The following ATP7A variants were observed in gnomAD, a reference collection of about 807,000 sequenced individuals.
ATP7A encodes ATPase copper transporting alpha.
A neutral mutation model predicts 83.5 loss-of-function variants in ATP7A; 7 were observed. The ratio of observed to expected loss-of-function variants is 0.08; its 90% CI spans 0.05 to 0.16. ATP7A has a LOEUF of 0.16. Ranked by LOEUF, ATP7A falls within the 10% of genes least tolerant of loss-of-function variation. The probability of loss-of-function intolerance (pLI) is 1.00; values close to 1 mark genes in which losing one functional copy is unlikely to be tolerated. For synonymous variants in ATP7A, 354 were observed against 395.2 expected (o/e 0.90, Z 1.24); for missense variants, 940 against 1,120.8 (o/e 0.84, Z 2.30).
At chrX:77,929,636 C>CTT (rs782018510) in intron 1 of ATP7A, among the ~76,000 whole-genome samples, 16 of 96,400 alleles carry the variant, frequency 1.7e-4, no homozygotes, top group African/African-American at 5.3e-4. Context: ...TTTTCTTTTT[C>CTT]TTTTTTTTTT....
chrX:77,948,100 T>TATTTATTTATTC (rs1452191503), intron 1 of ATP7A, among the ~76,000 whole-genome samples: 25 of 89,758 alleles, frequency 2.8e-4, no homozygotes, highest in African/African-American at 9.0e-4. Context: ...TTTATTTATT[T>TATTTATTTATTC]ATTCATTCAT....
intron 18 of ATP7A, 57 bp downstream of exon 18, chrX:78,039,039 T>C: frequency 8.6e-7 from 1 of 1,157,837 alleles, no homozygotes; most frequent in Non-Finnish European, 1.2e-6. Flanking sequence ...TTTATTAATT[T>C]ATTTATTTTT....
chrX:77,958,811 CAG>C (rs1295697593), intron 1 of ATP7A, among the ~76,000 whole-genome samples: 1 of 81,130 alleles, frequency 1.2e-5, no homozygotes, highest in Non-Finnish European at 2.3e-5. Context: ...TTTTTGGAGA[CAG>C]AGTCTCACTC....
At chrX:77,948,149 C>T (rs1191073575) in intron 1 of ATP7A, among the ~76,000 whole-genome samples, 1 of 107,416 alleles carries the variant, frequency 9.3e-6, no homozygotes, top group Non-Finnish European at 1.9e-5. Context: ...TCATTCAAGA[C>T]GGAGTCTTGC....
chrX:78,009,248 T>G lies in ATP7A; in HGVS notation c.1854T>G (p.Ile618Met). 1 of 1,209,896 alleles carries G rather than the reference T, an allele frequency of 8.3e-7. No homozygotes were observed. Residue 618 changes from isoleucine to methionine, a missense_variant, in exon 7 of 23, where the codon ATT (isoleucine) becomes ATG (methionine). Around this residue, in one of 3 missense-constraint regions of ATP7A, gnomAD observed 204 missense variants for 185.8 expected, o/e 1.10. Coordinates refer to ENST00000341514, the MANE Select transcript of ATP7A (RefSeq NM_000052.7). ...YDPEIIGPRDIIHTIESLGFE... is the reference protein window; with the variant it reads ...YDPEIIGPRDMIHTIESLGFE... ...CAGAAATTATTGGTCCTAGAGATAT[T>G]ATCCATACAATTGAAGTAAGTGCCA...
intron 1 of ATP7A, among the ~76,000 whole-genome samples, chrX:77,918,242 AT>A (rs1168435597): frequency 8.5e-5 from 9 of 105,517 alleles, no homozygotes; most frequent in Admixed American, 2.0e-4. Context: ...AATTTTTAAA[AT>A]TTTTTTTTTG....
intron 1 of ATP7A, among the ~76,000 whole-genome samples, chrX:77,920,411 G>A (rs2077207258): frequency 9.1e-6 from 1 of 109,555 alleles, no homozygotes; most frequent in African/African-American, 3.3e-5. Context: ...TAGAGACTGG[G>A]TTTCAACATG....
intron 14 of ATP7A, 87 bp downstream of exon 14, chrX:78,021,166 A>T: frequency 1.0e-6 from 1 of 975,709 alleles, no homozygotes; most frequent in East Asian, 3.1e-5. Flanking sequence ...AACTTTAATA[A>T]TTACCAGGAT....
chrX:78,009,652 T>C (rs1305185468), intron 7 of ATP7A, among the ~76,000 whole-genome samples: 1 of 112,170 alleles, frequency 8.9e-6, no homozygotes, highest in Non-Finnish European at 1.9e-5. Flanking sequence ...TAAGTTAAAG[T>C]AAGAAATTTA....
At chrX:77,997,936 A>C (rs1374478322) in intron 4 of ATP7A, among the ~76,000 whole-genome samples, 1 of 110,644 alleles carries the variant, frequency 9.0e-6, no homozygotes, top group African/African-American at 3.3e-5. Flanking sequence ...CTGTCATTCT[A>C]TTCCTGCCTT....
chrX:77,971,241 C>T (rs1393451152), intron 1 of ATP7A, among the ~76,000 whole-genome samples: 2 of 111,637 alleles, frequency 1.8e-5, no homozygotes, highest in South Asian at 3.7e-4. Context: ...ACCTTGTTGG[C>T]TGTTGTAAGG....
intron 1 of ATP7A, among the ~76,000 whole-genome samples, chrX:77,919,934 C>T (rs111613712): frequency 8.9e-6 from 1 of 111,975 alleles, no homozygotes; most frequent in Non-Finnish European, 1.9e-5. Flanking sequence ...TCTCATTCTG[C>T]CTTCTCTCAC....
At position 78,046,481 on chromosome X, in the gene ATP7A, C is replaced by T. The variant is rs782062633; in HGVS notation, c.4414C>T (p.Arg1472Cys). 2.0e-5 allele frequency: 24 copies of T among 1,208,990 alleles called. No individual in the cohort carries two copies. The highest frequency in any genetic ancestry group is 2.5e-5 in the Non-Finnish European group (22 of 894,727). ...ASINSLLSDK[R>C]SLNSVVTSEP... is the part of the protein sequence containing the mutation. ...TATAAACTCACTACTGTCTGATAAA[C>T]GCTCCCTAAACAGTGTTGTTACCAG... is the stretch of plus-strand genomic sequence containing the variant. The change falls in exon 23 of 23, where the codon CGC becomes TGC. Residue 1472 changes from arginine (R) to cysteine (C), a missense_variant. Around this residue, in one of 3 missense-constraint regions of ATP7A, gnomAD observed 386 missense variants for 502.2 expected, o/e 0.77. Coordinates refer to ENST00000341514, the MANE Select transcript of ATP7A (RefSeq NM_000052.7).
intron 2 of ATP7A, among the ~76,000 whole-genome samples, chrX:77,978,236 G>C (rs2077586778): frequency 9.0e-6 from 1 of 111,009 alleles, no homozygotes; most frequent in Admixed American, 9.7e-5. Context: ...GTTGAGTTGG[G>C]GATATGTTTA....
chrX:77,923,148 A>G (rs2077224215), intron 1 of ATP7A: 1 of 112,562 alleles, frequency 8.9e-6, no homozygotes, highest in Non-Finnish European at 1.9e-5. Flanking sequence ...TAATGAATAT[A>G]TCTGCTGTCT....
chrX:77,980,851 T>G (rs1358648648), intron 2 of ATP7A, among the ~76,000 whole-genome samples: 5 of 111,098 alleles, frequency 4.5e-5, no homozygotes, highest in Non-Finnish European at 9.4e-5. Context: ...GTACTTTTAG[T>G]AGAGACGAGT....
intron 4 of ATP7A, among the ~76,000 whole-genome samples, chrX:77,993,888 A>T (rs1351782545): frequency 2.7e-5 from 3 of 111,399 alleles, no homozygotes; most frequent in Non-Finnish European, 5.6e-5. Context: ...ATAATATTAA[A>T]TATTATAATT....
chrX:77,919,350 A>G (rs781901533), intron 1 of ATP7A, among the ~76,000 whole-genome samples: 4 of 111,839 alleles, frequency 3.6e-5, no homozygotes, highest in African/African-American at 1.3e-4. Flanking sequence ...ACATTCAGTC[A>G]CCAAATTTGT....
At chrX:78,021,661 T>C (rs1475809917) in intron 14 of ATP7A, among the ~76,000 whole-genome samples, 1 of 111,744 alleles carries the variant, frequency 8.9e-6, no homozygotes, top group Non-Finnish European at 1.9e-5. Flanking sequence ...ATTAGATATA[T>C]AAACTTTAAG....
Sources: allele counts gnomAD v4.1 joint callset (sites outside exome capture counted in the v4.1 genomes callset), GRCh38; gene constraint gnomAD v4.1.1; regional missense constraint gnomAD v4.1.1; transcripts MANE v1.5; gene names NCBI Gene and HGNC (gene_info 2026-07-23, HGNC 2026-07-21).